The following FAM187B variants were observed in gnomAD, a reference collection of about 807,000 sequenced individuals.
FAM187B encodes protein FAM187B.
A neutral mutation model predicts 22.6 loss-of-function variants in FAM187B; 22 were observed. The ratio of observed to expected loss-of-function variants is 0.97; its 90% CI spans 0.70 to 1.39. The LOEUF (loss-of-function observed/expected upper bound fraction) is 1.39, where lower values mean the gene tolerates loss of function less well. Ranked by LOEUF, FAM187B falls within the 40% of genes most tolerant of loss-of-function variation. The probability of loss-of-function intolerance (pLI) is 0.00; values close to 1 mark genes in which losing one functional copy is unlikely to be tolerated. For synonymous variants in FAM187B, 192 were observed against 201.8 expected (o/e 0.95, Z 0.41); for missense variants, 433 against 462.1 (o/e 0.94, Z 0.58).
rs1392758550 is a variant in FAM187B at position 35,228,170 on chromosome 19, G to T, written c.511C>A (p.Pro171Thr). ...KRLGYRYIEE[P>T]LEEAMPCWLY... ...CAGCAGGGCATGGCTTCCTCCAGAGGCTCCTCAATGTAGCGGTACCCCAGG... is the reference window on the plus strand; with the variant it reads ...CAGCAGGGCATGGCTTCCTCCAGAGTCTCCTCAATGTAGCGGTACCCCAGG... The change falls in exon 1 of 2, where the codon CCT becomes ACT. Residue 171 changes from proline (P) to threonine (T), a missense_variant. Physicochemically the swap from Pro to Thr is conservative, Grantham distance 38. Transcript: ENST00000324675. 1 of 1,614,082 alleles carries T rather than the reference G, an allele frequency of 6.2e-7. No individual in the cohort carries two copies. The highest frequency in any genetic ancestry group is 8.5e-7 in the Non-Finnish European group (1 of 1,179,924).
chr19:35,227,549 G>A (rs1259119664), intron 1 of FAM187B, among the ~76,000 whole-genome samples: 1 of 150,140 alleles, frequency 6.7e-6, no homozygotes, highest in Non-Finnish European at 1.5e-5. Context: ...CAGGTGGACT[G>A]GGGGAGAGGA....
rs2145466277 is a variant in FAM187B at position 35,225,072 on chromosome 19, A to G, written c.863T>C (p.Val288Ala). ...VFQPAVYKCF[V>A]QQELVAQFKP... Reference sequence around the variant, plus strand: ...GAACTGGGCCACGAGCTCCTGCTGCACGAAGCACTTGTAGACGGCCGGCTG... The same window carrying G: ...GAACTGGGCCACGAGCTCCTGCTGCGCGAAGCACTTGTAGACGGCCGGCTG... Residue 288 changes from valine to alanine, a missense_variant, in exon 2 of 2, where the codon GTG becomes GCG. Val to Ala is a moderately conservative substitution (Grantham distance 64). Transcript: ENST00000324675. 1 of 1,612,592 alleles carries G rather than the reference A, an allele frequency of 6.2e-7. No homozygotes were observed.
In FAM187B at chr19:35,228,444, G is replaced by A. The variant is rs1249317610; in HGVS notation, c.237C>T (p.Ser79=). ...AGGGCAATGGATCTTTAATGAGAAG[G>A]CTGCCCTCGGGCATTATTTCCATAT... is the stretch of plus-strand genomic sequence containing the variant. ...ISNMEIMPEG[S]LLIKDPLPSQ... Residue 79 remains serine, a synonymous_variant, in exon 1 of 2, where the codon AGC becomes AGT. Coordinates refer to ENST00000324675, the MANE Select transcript of FAM187B (RefSeq NM_152481.2). 5.6e-6 allele frequency: 9 copies of A among 1,614,042 alleles called. No homozygotes were observed. The highest frequency in any genetic ancestry group is 6.8e-6 in the Non-Finnish European group (8 of 1,180,050).
At position 35,228,576 on chromosome 19, in the gene FAM187B, G is replaced by T. The variant is rs763958492; in HGVS notation, c.105C>A (p.Leu35=). The T allele has an allele frequency of 1.2e-6, 2 of 1,614,188 alleles. No individual in the cohort carries two copies. Among genetic ancestry groups the T allele is most frequent in the Admixed American group, 1.7e-5 (1 of 60,024 alleles). ...PSGKQCQQAL[L]SGNDILLYCN... is the part of the protein sequence containing the mutation. The stretch of plus-strand genomic sequence containing the variant: ...AATACAGGAGAATATCATTGCCTGA[G>T]AGTAGGGCCTGTTGGCACTGCTTAC... The change falls in exon 1 of 2, where the codon CTC becomes CTA. Residue 35 remains leucine (L), a synonymous_variant. Coordinates refer to ENST00000324675, the MANE Select transcript of FAM187B (RefSeq NM_152481.2).
At chr19:35,225,536 G>C (rs2065659447) in intron 1 of FAM187B, among the ~76,000 whole-genome samples, 1 of 152,218 alleles carries the variant, frequency 6.6e-6, no homozygotes, top group South Asian at 2.1e-4. Context: ...TCTAGACCAG[G>C]CTTGGTGGCT....
chr19:35,225,125 G>A lies in FAM187B; in HGVS notation c.810C>T (p.Ser270=). 2.5e-6 allele frequency: 4 copies of A among 1,602,934 alleles called. No individual in the cohort carries two copies. Among genetic ancestry groups the A allele is most frequent in the Non-Finnish European group, 3.4e-6 (4 of 1,174,512 alleles). The change falls in exon 2 of 2, where the codon TCC becomes TCT. Residue 270 remains serine (S), a synonymous_variant. Coordinates refer to ENST00000324675, the MANE Select transcript of FAM187B (RefSeq NM_152481.2). ...GQDFTTFLDP[S]TGGRQLQVFQ... is the part of the protein sequence containing the mutation. ...AAACCTGCAGCTGCCTGCCGCCGGT[G>A]GAGGGGTCCAGAAAGGTGGTGAAGT...
At chr19:35,227,858 G>A (rs1198869966) in intron 1 of FAM187B, 101 bp downstream of exon 1, 7 of 1,498,896 alleles carry the variant, frequency 4.7e-6, no homozygotes, top group Non-Finnish European at 6.3e-6. Context: ...CTACGTGGCT[G>A]AACTGCAAAG....
At chr19:35,225,339 C>T (rs891412339) in intron 1 of FAM187B, 127 bp from the exon 2 acceptor site, 9 of 1,201,298 alleles carry the variant, frequency 7.5e-6, no homozygotes, top group East Asian at 2.8e-5. Flanking sequence ...ACTGTGCAGC[C>T]GTCAACAGTG....
chr19:35,228,177 A>G lies in FAM187B; in HGVS notation c.504T>C (p.Ile168=). Residue 168 remains isoleucine (I), a synonymous_variant, in exon 1 of 2, where the codon ATT becomes ATC. Coordinates refer to ENST00000324675, the MANE Select transcript of FAM187B (RefSeq NM_152481.2). ...GCATGGCTTCCTCCAGAGGCTCCTC[A>G]ATGTAGCGGTACCCCAGGCGTTTAC... is the stretch of plus-strand genomic sequence containing the variant. ...GECKRLGYRY[I]EEPLEEAMPC... The G allele has an allele frequency of 1.2e-6, 2 of 1,614,086 alleles. No individual in the cohort carries two copies. Among genetic ancestry groups the G allele is most frequent in the South Asian group, 1.1e-5 (1 of 91,090 alleles).
chr19:35,228,380 G>A lies in FAM187B; in HGVS notation c.301C>T (p.Arg101Cys), dbSNP rs752397521. 7.4e-6 allele frequency: 12 copies of A among 1,614,068 alleles called. No homozygotes were observed. Among genetic ancestry groups the A allele is most frequent in the Middle Eastern group, 3.3e-4 (2 of 6,078 alleles). Residue 101 changes from arginine to cysteine, a missense_variant, in exon 1 of 2, where the codon CGC becomes TGC. Physicochemically the swap from Arg to Cys is radical, Grantham distance 180 (BLOSUM62 -3). Transcript: ENST00000324675. The stretch of plus-strand genomic sequence containing the variant: ...TCAATTTCATACTGCACCACTTGGC[G>A]GCCATTCTTGTTCCAGCAGTGGTAG... ...GLYHCWNKNG[R>C]QVVQYEIDFQ...
rs934953420 is a variant in FAM187B, at chr19:35,227,958, C to G, written c.722+1G>C. 6.2e-7 allele frequency: 1 copy of G among 1,602,818 alleles called. No homozygotes were observed. Among genetic ancestry groups the G allele is most frequent in the Admixed American group, 1.7e-5 (1 of 59,410 alleles). On this transcript the variant is annotated splice_donor_variant, in intron 1 of 1. Coordinates refer to ENST00000324675, the MANE Select transcript of FAM187B (RefSeq NM_152481.2). LOFTEE classifies it high-confidence loss of function. ...GGGGCCAGAGGCAGGGATTCCATCACCTGTACATGGATCCTAAGGGACAGT... is the reference window on the plus strand; with the variant it reads ...GGGGCCAGAGGCAGGGATTCCATCAGCTGTACATGGATCCTAAGGGACAGT...
Position 35,225,144 on chromosome 19 carries a change from G to A in FAM187B, c.791C>T (p.Thr264Ile), listed in dbSNP as rs202023001. Residue 264 changes from threonine to isoleucine, a missense_variant, in exon 2 of 2, where the codon ACC becomes ATC. Physicochemically the swap from Thr to Ile is moderately conservative, Grantham distance 89. Coordinates refer to ENST00000324675, the MANE Select transcript of FAM187B (RefSeq NM_152481.2). ...WESQLSGQDF[T>I]TFLDPSTGGR... ...GCCGGTGGAGGGGTCCAGAAAGGTGGTGAAGTCCTGGCCGGAGAGCTGGCT... is the reference window on the plus strand; with the variant it reads ...GCCGGTGGAGGGGTCCAGAAAGGTGATGAAGTCCTGGCCGGAGAGCTGGCT... 2 of 1,582,644 alleles carry A rather than the reference G, an allele frequency of 1.3e-6. No homozygotes were observed. The highest frequency in any genetic ancestry group is 3.6e-5 in the Admixed American group (2 of 55,764).
Position 35,225,151 on chromosome 19 carries a change from C to A in FAM187B, c.784G>T (p.Asp262Tyr). 1 of 1,569,666 alleles carries A rather than the reference C, an allele frequency of 6.4e-7. No homozygotes were observed. Among genetic ancestry groups the A allele is most frequent in the Non-Finnish European group, 8.6e-7 (1 of 1,158,220 alleles). ...LTWESQLSGQ[D>Y]FTTFLDPSTG... ...GAGGGGTCCAGAAAGGTGGTGAAGT[C>A]CTGGCCGGAGAGCTGGCTCTCCCAC... is the stretch of plus-strand genomic sequence containing the variant. The change falls in exon 2 of 2, where the codon GAC (aspartate) becomes TAC (tyrosine). Residue 262 changes from aspartate to tyrosine, a missense_variant. By Grantham distance (160) the Asp-to-Tyr change is radical (BLOSUM62 -3). Coordinates refer to ENST00000324675, the MANE Select transcript of FAM187B (RefSeq NM_152481.2).
At position 35,227,068 on chromosome 19, in the gene FAM187B, C is replaced by T. The variant is rs746097296; in HGVS notation, c.722+891G>A. Among the ~76,000 whole-genome samples the T allele has an allele frequency of 5.3e-5, 8 of 152,182 alleles. No individual in the cohort carries two copies. The East Asian group carries it at 5.8e-4, about 11-fold the overall frequency. Reference sequence around the variant, plus strand: ...GAAGCAGCCACAAGCCAGAGAAGACCGGGATCTCTGACTGCATCCAGAAGC... The same window carrying T: ...GAAGCAGCCACAAGCCAGAGAAGACTGGGATCTCTGACTGCATCCAGAAGC... On this transcript the variant is annotated intron_variant, in intron 1 of 1. Coordinates refer to ENST00000324675, the MANE Select transcript of FAM187B (RefSeq NM_152481.2).
In FAM187B at chr19:35,228,437, T is replaced by C; in HGVS notation, c.244A>G (p.Ile82Val). ...GTCTGGGAGGGCAATGGATCTTTAA[T>C]GAGAAGGCTGCCCTCGGGCATTATT... ...MEIMPEGSLL[I>V]KDPLPSQTGL... is the part of the protein sequence containing the mutation. The change falls in exon 1 of 2, where the codon ATT (isoleucine) becomes GTT (valine). Residue 82 changes from isoleucine to valine, a missense_variant. By Grantham distance (29) the Ile-to-Val change is conservative. Transcript: ENST00000324675. The C allele has an allele frequency of 1.2e-6, 2 of 1,614,180 alleles. No homozygotes were observed. The highest frequency in any genetic ancestry group is 1.1e-5 in the South Asian group (1 of 91,082).
chr19:35,225,199 G>T lies in FAM187B; in HGVS notation c.736C>A (p.Arg246Ser). 1.3e-6 allele frequency: 2 copies of T among 1,498,860 alleles called. No individual in the cohort carries two copies. The highest frequency in any genetic ancestry group is 1.8e-6 in the Non-Finnish European group (2 of 1,122,946). The allele number at this position is 1,498,860 out of a possible 1,614,324, so 92.8% of individuals were successfully genotyped here. A position where few individuals can be genotyped will look rare whatever the true frequency, so the allele number is the denominator to read the frequency against. ...LGSMYRPVNW[R>S]ANDTPLTWES... ...CACGTCAGGGGGGTGTCGTTGGCAC[G>T]CCAGTTGACGGGCCTGCGAGGAGGA... Residue 246 changes from arginine (R) to serine (S), a missense_variant, in exon 2 of 2, where the codon CGT becomes AGT. Coordinates refer to ENST00000324675, the MANE Select transcript of FAM187B (RefSeq NM_152481.2).
chr19:35,227,509 C>T lies in FAM187B; in HGVS notation c.722+450G>A, dbSNP rs528439310. Reference sequence around the variant, plus strand: ...TGCTGGGATTACAGGCATGAGCCACCGCGCCCAGCCTGCATTTCTTATTAA... The same window carrying T: ...TGCTGGGATTACAGGCATGAGCCACTGCGCCCAGCCTGCATTTCTTATTAA... On this transcript the variant is annotated intron_variant, in intron 1 of 1. Coordinates refer to ENST00000324675, the MANE Select transcript of FAM187B (RefSeq NM_152481.2). Among the ~76,000 whole-genome samples the T allele has an allele frequency of 2.6e-4, 39 of 152,262 alleles. No individual in the cohort carries two copies. The East Asian group carries it at 6.4e-3, about 25-fold the overall frequency.
Position 35,228,012 on chromosome 19 carries a change from G to C in FAM187B, c.669C>G (p.Leu223=), listed in dbSNP as rs747872397. The change falls in exon 1 of 2, where the codon CTC becomes CTG. Residue 223 remains leucine, a synonymous_variant. Coordinates refer to ENST00000324675, the MANE Select transcript of FAM187B (RefSeq NM_152481.2). ...GCCACACAAATTCTGTCTTCTCATC[G>C]AGCCTGAAGTTGTCAAAAATGACGT... ...VDYVIFDNFR[L]DEKTEFVWLD... 2 of 1,614,020 alleles carry C rather than the reference G, an allele frequency of 1.2e-6. No homozygotes were observed. Among genetic ancestry groups the C allele is most frequent in the Non-Finnish European group, 1.7e-6 (2 of 1,179,908 alleles).
chr19:35,225,196 C>A lies in FAM187B; in HGVS notation c.739G>T (p.Ala247Ser). The A allele has an allele frequency of 6.7e-7, 1 of 1,502,870 alleles. No individual in the cohort carries two copies. Among genetic ancestry groups the A allele is most frequent in the Non-Finnish European group, 8.9e-7 (1 of 1,124,694 alleles). The allele number at this position is 1,502,870 out of a possible 1,614,324, so 93.1% of individuals were successfully genotyped here. ...TCCCACGTCAGGGGGGTGTCGTTGG[C>A]ACGCCAGTTGACGGGCCTGCGAGGA... ...GSMYRPVNWR[A>S]NDTPLTWESQ... Residue 247 changes from alanine (A) to serine (S), a missense_variant, in exon 2 of 2, where the codon GCC (alanine) becomes TCC (serine). Coordinates refer to ENST00000324675, the MANE Select transcript of FAM187B (RefSeq NM_152481.2).
Sources: allele counts gnomAD v4.1 joint callset (sites outside exome capture counted in the v4.1 genomes callset), GRCh38; gene constraint gnomAD v4.1.1; transcripts MANE v1.5; gene names NCBI Gene and HGNC (gene_info 2026-07-23, HGNC 2026-07-21).